Variants in PRTG observed in about 807,000 individuals in gnomAD.
PRTG encodes immunoglobulin superfamily, DCC subclass, member 5.
In PRTG, 67 loss-of-function variants were observed where a neutral mutation model predicts 122.5. That is an observed-to-expected ratio of 0.55 (90% CI 0.45 to 0.67). The LOEUF is 0.67. Among genes scored for constraint, PRTG ranks in the 30% least tolerant of loss-of-function variants. The pLI is 0.00. For missense variants in PRTG, 1,435 were observed against 1,415.4 expected (o/e 1.01, Z -0.22); for synonymous variants, 554 against 501.1 (o/e 1.11, Z -1.41).
chr15:55,628,951 C>A lies in PRTG; in HGVS notation c.2677G>T (p.Val893Phe), dbSNP rs771768212. 3 of 1,613,650 alleles carry A rather than the reference C, an allele frequency of 1.9e-6. No individual in the cohort carries two copies. Among genetic ancestry groups the A allele is most frequent in the East Asian group, 2.2e-5 (1 of 44,876 alleles). ...ENLVAGNVYI[V>F]KISASNEVGE... ...ACCTCATTGGATGCAGATATCTTGACAATGTACACATTTCCTGCTACCAAG... is the reference window on the plus strand; with the variant it reads ...ACCTCATTGGATGCAGATATCTTGAAAATGTACACATTTCCTGCTACCAAG... The change falls in exon 16 of 20, where the codon GTC (valine) becomes TTC (phenylalanine). Residue 893 changes from valine to phenylalanine, a missense_variant. Val to Phe is a conservative substitution (Grantham distance 50, BLOSUM62 -1). Transcript: ENST00000389286.
rs142432998 is a variant in PRTG, at chr15:55,618,846, A to G, written c.*1166T>C. On this transcript the variant is annotated 3_prime_UTR_variant, in exon 20 of 20. Transcript: ENST00000389286. ...TCCTAAACAATTTCATGAATATTAA[A>G]AAGGTATAAGGCAAAGAATTTCATT... 1.3e-4 allele frequency: 20 copies of G among 152,352 alleles called. No homozygotes were observed. The highest frequency in any genetic ancestry group is 4.8e-4 in the African/African-American group (20 of 41,576). 9.4% of individuals were successfully genotyped at this position (152,352 alleles called of 1,614,324 possible).
rs1309778234 is a variant in PRTG at position 55,639,767 on chromosome 15, G to A, written c.2199C>T (p.Asn733=). 1 of 1,614,214 alleles carries A rather than the reference G, an allele frequency of 6.2e-7. No individual in the cohort carries two copies. The highest frequency in any genetic ancestry group is 1.1e-5 in the South Asian group (1 of 91,078). ...AGTGCAGGAAGATGGAAGATGAGGT[G>A]TTAGCCTTCGCATAGAGATGGTGGG... is the stretch of plus-strand genomic sequence containing the variant. ...PPPHHLYAKA[N]TSSSIFLHWR... The change falls in exon 13 of 20, where the codon AAC becomes AAT. Residue 733 remains asparagine, a synonymous_variant. Coordinates refer to ENST00000389286, the MANE Select transcript of PRTG (RefSeq NM_173814.6).
At chr15:55,669,639 T>C (rs924383663) in intron 11 of PRTG, among the ~76,000 whole-genome samples, 1 of 152,190 alleles carries the variant, frequency 6.6e-6, no homozygotes, top group Non-Finnish European at 1.5e-5. Flanking sequence ...GACTAGACCA[T>C]AGGGGTCTCA....
intron 11 of PRTG, among the ~76,000 whole-genome samples, chr15:55,645,726 A>G (rs2059318590): frequency 6.6e-6 from 1 of 152,066 alleles, no homozygotes; most frequent in African/African-American, 2.4e-5. Flanking sequence ...CAGGGCCAAC[A>G]CTGTAAAATG....
intron 2 of PRTG, among the ~76,000 whole-genome samples, chr15:55,692,369 C>A (rs763241859): frequency 6.6e-6 from 1 of 152,048 alleles, no homozygotes; most frequent in Non-Finnish European, 1.5e-5. Context: ...AGAGGGCGCA[C>A]AAAAGAGACA....
chr15:55,630,783 A>G, intron 15 of PRTG, among the ~76,000 whole-genome samples: 1 of 152,164 alleles, frequency 6.6e-6, no homozygotes, highest in East Asian at 1.9e-4. Context: ...TCAACCAGAA[A>G]GTTGTTTCAG....
At chr15:55,733,142 G>T (rs2031293641) in intron 2 of PRTG, among the ~76,000 whole-genome samples, 1 of 152,120 alleles carries the variant, frequency 6.6e-6, no homozygotes, top group Non-Finnish European at 1.5e-5. Flanking sequence ...CCGGGAGGCA[G>T]AGGTTGCAGT....
intron 11 of PRTG, among the ~76,000 whole-genome samples, chr15:55,645,164 G>A (rs8027131): frequency 0.37 from 56,275 of 151,522 alleles, 11,855 homozygotes; most frequent in Non-Finnish European, 0.49. Flanking sequence ...GGCCGGGCGC[G>A]GTGGCTCACG....
rs1463847891 is a variant in PRTG, at chr15:55,677,795, AC to A, written c.1381+1del. The A allele has an allele frequency of 6.2e-7, 1 of 1,612,822 alleles. No individual in the cohort carries two copies. The highest frequency in any genetic ancestry group is 1.3e-5 in the African/African-American group (1 of 74,872). ...AAAATAAGCACTCCTAAAATCGCTT[AC>A]CTTCTGCTTTCATGTAGTGTACAGA... is the stretch of plus-strand genomic sequence containing the variant. On this transcript the variant is annotated splice_donor_variant, in intron 8 of 19. Coordinates refer to ENST00000389286, the MANE Select transcript of PRTG (RefSeq NM_173814.6). LOFTEE classifies it high-confidence loss of function.
intron 5 of PRTG, 65 bp from the exon 6 acceptor site, chr15:55,680,277 C>CCACT (rs1474965401): frequency 1.5e-6 from 2 of 1,314,222 alleles, no homozygotes; most frequent in Non-Finnish European, 2.2e-6. Flanking sequence ...TGTCAAAAGA[C>CCACT]CACTATCCAA....
chr15:55,740,746 C>T (rs1376242683), intron 1 of PRTG, 62 bp from the exon 2 acceptor site: 7 of 1,384,874 alleles, frequency 5.1e-6, no homozygotes, highest in South Asian at 2.7e-5. Flanking sequence ...GATTCCTTAA[C>T]ACACAACTGT....
chr15:55,638,628 G>A lies in PRTG; in HGVS notation c.2373C>T (p.Tyr791=), dbSNP rs200941187. 2.1e-5 allele frequency: 34 copies of A among 1,613,252 alleles called. No homozygotes were observed. In the African/African-American group the frequency reaches 2.3e-4, roughly 11 times the overall value. Reference sequence around the variant, plus strand: ...CCACATGTAATCGAACGGCAAATTCGTATTTGGTGTTTGGTTCTAGACCTT... The same window carrying A: ...CCACATGTAATCGAACGGCAAATTCATATTTGGTGTTTGGTTCTAGACCTT... The part of the protein sequence containing the change: ...LVQGLEPNTK[Y]EFAVRLHVDQ... The change falls in exon 14 of 20, where the codon TAC becomes TAT. Residue 791 remains tyrosine, a synonymous_variant. Coordinates refer to ENST00000389286, the MANE Select transcript of PRTG (RefSeq NM_173814.6).
rs572689494 is a variant in PRTG at position 55,720,188 on chromosome 15, G to A, written c.397+20194C>T. Among the ~76,000 whole-genome samples, 20 of 152,240 alleles carry A rather than the reference G, an allele frequency of 1.3e-4. 1 individual carries two copies. The South Asian group carries it at 4.2e-3, about 32-fold the overall frequency. On this transcript the variant is annotated intron_variant, in intron 2 of 19. Coordinates refer to ENST00000389286, the MANE Select transcript of PRTG (RefSeq NM_173814.6). Reference sequence around the variant, plus strand: ...GAGGTCAGGAGTTTGAGACCAGCCAGGCCAACATGGTGAAACCTCGTCTCT... The same window carrying A: ...GAGGTCAGGAGTTTGAGACCAGCCAAGCCAACATGGTGAAACCTCGTCTCT...
At chr15:55,638,425 A>G (rs1240246874) in intron 14 of PRTG, 124 bp downstream of exon 14, 4 of 630,642 alleles carry the variant, frequency 6.3e-6, no homozygotes, top group Non-Finnish European at 7.5e-6. Flanking sequence ...AAACAAAACA[A>G]ATACATATAT....
At chr15:55,624,857 T>C (rs536071395) in intron 17 of PRTG, among the ~76,000 whole-genome samples, 2 of 152,306 alleles carry the variant, frequency 1.3e-5, no homozygotes, top group African/African-American at 2.4e-5. Flanking sequence ...CAATTAATGA[T>C]GGTAAATTTA....
At chr15:55,694,609 T>C (rs2059622016) in intron 2 of PRTG, among the ~76,000 whole-genome samples, 1 of 152,224 alleles carries the variant, frequency 6.6e-6, no homozygotes, top group Admixed American at 6.5e-5. Flanking sequence ...ATGATAGTTT[T>C]AAATGTTGTT....
At chr15:55,673,205 A>C (rs1468828297) in intron 10 of PRTG, among the ~76,000 whole-genome samples, 166 bp downstream of exon 10, 2 of 152,258 alleles carry the variant, frequency 1.3e-5, no homozygotes, top group Non-Finnish European at 2.9e-5. Context: ...CTCTATGCAA[A>C]AGCGACTACT....
intron 8 of PRTG, among the ~76,000 whole-genome samples, 167 bp from the exon 9 acceptor site, chr15:55,675,850 C>G (rs1249459947): frequency 6.6e-6 from 1 of 152,072 alleles, no homozygotes; most frequent in South Asian, 2.1e-4. Context: ...CTAAAAGTAA[C>G]CATATTTCAC....
chr15:55,660,531 G>A (rs1257287600), intron 11 of PRTG, among the ~76,000 whole-genome samples: 1 of 152,132 alleles, frequency 6.6e-6, no homozygotes, highest in Non-Finnish European at 1.5e-5. Context: ...TCTCTAAGGA[G>A]ATGCTCTTTG....
Sources: allele counts gnomAD v4.1 joint callset (sites outside exome capture counted in the v4.1 genomes callset), GRCh38; gene constraint gnomAD v4.1.1; transcripts MANE v1.5; gene names NCBI Gene and HGNC (gene_info 2026-07-23, HGNC 2026-07-21).